Variants in PRSS23 observed in about 807,000 individuals in gnomAD.
PRSS23 encodes the protein protease, serine 23.
A neutral mutation model predicts 34.7 loss-of-function variants in PRSS23; 25 were observed. The ratio of observed to expected loss-of-function variants is 0.72; its 90% CI spans 0.53 to 1.01. The LOEUF (loss-of-function observed/expected upper bound fraction) is 1.01, where lower values mean the gene tolerates loss of function less well. Among genes scored for constraint, PRSS23 ranks in the 50% least tolerant of loss-of-function variants. The pLI is 0.00. For synonymous variants in PRSS23, 176 were observed against 186.6 expected, an observed-to-expected ratio of 0.94 and a Z score of 0.46; for missense variants, 445 against 475.6, an observed-to-expected ratio of 0.94 and a Z score of 0.60.
intron 2 of PRSS23, among the ~76,000 whole-genome samples, chr11:86,890,686 G>T (rs2079162864): frequency 6.6e-6 from 1 of 152,198 alleles, no homozygotes; most frequent in African/African-American, 2.4e-5. Context: ...AATGAAGGTT[G>T]CCAGGTGGAG....
chr11:86,849,287 G>T (rs1403315309), intron 2 of PRSS23, among the ~76,000 whole-genome samples: 2 of 152,190 alleles, frequency 1.3e-5, no homozygotes, highest in Non-Finnish European at 2.9e-5. Flanking sequence ...CTGCAATTGG[G>T]AGACTTTGCT....
chr11:86,801,271 T>A (rs993557459), intron 1 of PRSS23, among the ~76,000 whole-genome samples: 1 of 152,244 alleles, frequency 6.6e-6, no homozygotes, highest in Non-Finnish European at 1.5e-5. Context: ...ATAGTTCTTC[T>A]GCCTGTAGGC....
At chr11:86,866,867 C>T (rs1948652960) in intron 2 of PRSS23, among the ~76,000 whole-genome samples, 1 of 152,234 alleles carries the variant, frequency 6.6e-6, no homozygotes, top group Admixed American at 6.5e-5. Flanking sequence ...TACACCAGCT[C>T]CCTTTCACCT....
upstream of PRSS23, among the ~76,000 whole-genome samples, chr11:86,799,065 T>A (rs1722702849): frequency 6.6e-6 from 1 of 152,142 alleles, no homozygotes; most frequent in Non-Finnish European, 1.5e-5. Context: ...AATTTGCCCT[T>A]AAAATGGTGG....
chr11:86,936,917 C>T (rs755037830), intron 2 of PRSS23: 21 of 151,578 alleles, frequency 1.4e-4, no homozygotes, highest in Non-Finnish European at 2.2e-4. Flanking sequence ...CATACCCTTA[C>T]ACCCTTACTC....
At chr11:86,931,981 A>T (rs1374296888) in intron 2 of PRSS23, among the ~76,000 whole-genome samples, 2 of 152,198 alleles carry the variant, frequency 1.3e-5, no homozygotes, top group Non-Finnish European at 2.9e-5. Flanking sequence ...CATGCAAACC[A>T]TGAAGCTCTA....
intron 2 of PRSS23, chr11:86,950,689 G>C (rs1427551089): frequency 9.2e-6 from 2 of 216,742 alleles, no homozygotes; most frequent in African/African-American, 2.3e-5. Context: ...AGCGTTTCCA[G>C]TGTTTATAGA....
At chr11:86,803,855 T>C (rs1948068662) in intron 1 of PRSS23, among the ~76,000 whole-genome samples, 1 of 152,236 alleles carries the variant, frequency 6.6e-6, no homozygotes, top group Non-Finnish European at 1.5e-5. Flanking sequence ...TGTTGCAGAC[T>C]GATCAGGGAA....
chr11:86,829,392 C>T (rs1948331603), intron 2 of PRSS23, among the ~76,000 whole-genome samples: 1 of 152,156 alleles, frequency 6.6e-6, no homozygotes, highest in Admixed American at 6.5e-5. Flanking sequence ...GTTATACATT[C>T]GTCTAAATTT....
downstream of PRSS23, among the ~76,000 whole-genome samples, chr11:86,811,395 A>G (rs1250791136): frequency 1.3e-5 from 2 of 152,184 alleles, no homozygotes; most frequent in Admixed American, 1.3e-4. Flanking sequence ...CAGACCCTAT[A>G]ACCAGGATTT....
chr11:86,906,125 C>T (rs1244759960), intron 2 of PRSS23, among the ~76,000 whole-genome samples: 1 of 152,148 alleles, frequency 6.6e-6, no homozygotes, highest in African/African-American at 2.4e-5. Flanking sequence ...GCACTATTGC[C>T]TTGCAGGAAG....
chr11:86,841,303 C>A (rs1160590517), intron 2 of PRSS23, among the ~76,000 whole-genome samples: 6 of 138,244 alleles, frequency 4.3e-5, no homozygotes, highest in Admixed American at 2.4e-4. Flanking sequence ...TGAGCCATTG[C>A]ACTCCAGCCT....
intron 2 of PRSS23, among the ~76,000 whole-genome samples, chr11:86,826,818 G>C (rs547178499): frequency 7.6e-4 from 116 of 152,046 alleles, no homozygotes; most frequent in Non-Finnish European, 1.3e-3. Context: ...TATACTGAAC[G>C]AGCCTTGCAT....
At chr11:86,824,662 A>G (rs924937550) in intron 2 of PRSS23, among the ~76,000 whole-genome samples, 1 of 122,630 alleles carries the variant, frequency 8.2e-6, no homozygotes, top group South Asian at 2.6e-4. Flanking sequence ...CCAGAGTGTG[A>G]TGTTCCCCTT....
chr11:86,796,153 A>G (rs1201251143), upstream of PRSS23, among the ~76,000 whole-genome samples: 1 of 152,200 alleles, frequency 6.6e-6, no homozygotes, highest in African/African-American at 2.4e-5. Flanking sequence ...CCTTATTGTC[A>G]GGACGGGAAA....
chr11:86,872,260 G>A (rs971740469), intron 2 of PRSS23, among the ~76,000 whole-genome samples: 2 of 152,136 alleles, frequency 1.3e-5, no homozygotes, highest in Admixed American at 1.3e-4. Flanking sequence ...AATGTTCAAA[G>A]AGTGAAATAT....
At chr11:86,926,235 C>T (rs1466571410) in intron 2 of PRSS23, among the ~76,000 whole-genome samples, 1 of 152,126 alleles carries the variant, frequency 6.6e-6, no homozygotes, top group Non-Finnish European at 1.5e-5. Flanking sequence ...TGGTGCCGTG[C>T]ACCTGTAGTC....
At chr11:86,901,935 G>A (rs1948914291) in intron 2 of PRSS23, among the ~76,000 whole-genome samples, 1 of 152,128 alleles carries the variant, frequency 6.6e-6, no homozygotes, top group Non-Finnish European at 1.5e-5. Context: ...GGGGAAAATA[G>A]ATAAAAAGGA....
chr11:86,860,445 C>A (rs1291947712), intron 2 of PRSS23, among the ~76,000 whole-genome samples: 1 of 151,810 alleles, frequency 6.6e-6, no homozygotes, highest in East Asian at 1.9e-4. Flanking sequence ...GTGTACACTG[C>A]CCCTGTGATA....
Sources: allele counts gnomAD v4.1 joint callset (sites outside exome capture counted in the v4.1 genomes callset), GRCh38; gene constraint gnomAD v4.1.1; transcripts MANE v1.5; gene names NCBI Gene and HGNC (gene_info 2026-07-23, HGNC 2026-07-21).